SIAH2: variants seen among roughly 807,000 people sequenced by gnomAD.
SIAH2 encodes the protein E3 ubiquitin-protein ligase SIAH2.
In SIAH2, 4 loss-of-function variants were observed where a neutral mutation model predicts 20.4. That is an observed-to-expected ratio of 0.20 (90% CI 0.10 to 0.45). SIAH2 has a LOEUF of 0.45. Ranked by LOEUF, SIAH2 falls within the 20% of genes least tolerant of loss-of-function variation. The pLI, the probability that SIAH2 is intolerant of heterozygous loss-of-function variation, is 0.99. For missense variants in SIAH2, 259 were observed against 440.3 expected (o/e 0.59, Z 3.69); for synonymous variants, 171 against 192.5 (o/e 0.89, Z 0.93).
intron 1 of SIAH2, among the ~76,000 whole-genome samples, chr3:150,747,194 G>T (rs889736114): frequency 3.3e-5 from 5 of 152,218 alleles, no homozygotes; most frequent in African/African-American, 4.8e-5. Flanking sequence ...TTGGAAGCAG[G>T]TTCTAATATT....
chr3:150,752,099 C>T (rs1214701485), intron 1 of SIAH2, among the ~76,000 whole-genome samples: 1 of 152,168 alleles, frequency 6.6e-6, no homozygotes, highest in Non-Finnish European at 1.5e-5. Context: ...TTCAAGCAAA[C>T]AAAACACTTA....
At chr3:150,760,719 G>A (rs1714589432) in intron 1 of SIAH2, among the ~76,000 whole-genome samples, 1 of 152,212 alleles carries the variant, frequency 6.6e-6, no homozygotes, top group Admixed American at 6.5e-5. Flanking sequence ...GCGCGTTTAA[G>A]GGAAAGTAAA....
At chr3:150,761,255 T>C (rs1714604222) in intron 1 of SIAH2, among the ~76,000 whole-genome samples, 1 of 152,262 alleles carries the variant, frequency 6.6e-6, no homozygotes, top group African/African-American at 2.4e-5. Context: ...TCTCCACTTC[T>C]AATTTCAGAA....
chr3:150,750,554 C>T (rs75066446), intron 1 of SIAH2, among the ~76,000 whole-genome samples: 1 of 152,102 alleles, frequency 6.6e-6, no homozygotes, highest in South Asian at 2.1e-4. Context: ...ATTTTATTTA[C>T]ATAACTATTT....
rs1276737798 is a variant in SIAH2, at chr3:150,741,639, A to T, written c.*502T>A. 1 of 153,024 alleles carries T rather than the reference A, an allele frequency of 6.5e-6. No homozygotes were observed. Among genetic ancestry groups the T allele is most frequent in the Non-Finnish European group, 1.5e-5 (1 of 68,474 alleles). 9.5% of individuals were successfully genotyped at this position (153,024 alleles called of 1,614,324 possible). On this transcript the variant is annotated 3_prime_UTR_variant, in exon 2 of 2. Coordinates refer to ENST00000312960, the MANE Select transcript of SIAH2 (RefSeq NM_005067.7). ...AAATTGGCAGGCTCCCTAAATCTGC[A>T]ATTTTAAGATAAGCACTCCGGGTGA...
chr3:150,746,216 A>G (rs1714208863), intron 1 of SIAH2, among the ~76,000 whole-genome samples: 1 of 152,116 alleles, frequency 6.6e-6, no homozygotes, highest in Admixed American at 6.5e-5. Flanking sequence ...CAATATGGTG[A>G]AACCCTGTCA....
At chr3:150,746,121 G>A (rs57478574) in intron 1 of SIAH2, among the ~76,000 whole-genome samples, 2,166 of 152,112 alleles carry the variant, frequency 0.014, 36 homozygotes, top group African/African-American at 0.048. Context: ...GAGGCCAGGC[G>A]CGCTGCTCAC....
At chr3:150,757,613 G>A (rs757826399) in intron 1 of SIAH2, among the ~76,000 whole-genome samples, 2 of 151,940 alleles carry the variant, frequency 1.3e-5, no homozygotes, top group Non-Finnish European at 2.9e-5. Context: ...GTGGTGGTTC[G>A]CTTTGTCTGC....
At chr3:150,753,750 T>C (rs769340312) in intron 1 of SIAH2, among the ~76,000 whole-genome samples, 39 of 152,012 alleles carry the variant, frequency 2.6e-4, no homozygotes, top group Non-Finnish European at 3.8e-4. Context: ...GCTGTGATTA[T>C]GCCACTGCAC....
chr3:150,746,989 G>A (rs1714228679), intron 1 of SIAH2, among the ~76,000 whole-genome samples: 1 of 152,244 alleles, frequency 6.6e-6, no homozygotes, highest in Non-Finnish European at 1.5e-5. Context: ...AGGGCCCTGT[G>A]GTCATTTGTG....
intron 1 of SIAH2, among the ~76,000 whole-genome samples, chr3:150,751,990 T>C (rs1401315701): frequency 2.0e-5 from 3 of 152,228 alleles, no homozygotes; most frequent in African/African-American, 7.2e-5. Flanking sequence ...AGGTTGACTT[T>C]TGACCATGTA....
intron 1 of SIAH2, among the ~76,000 whole-genome samples, chr3:150,747,236 G>A (rs571969196): frequency 3.3e-5 from 5 of 152,208 alleles, no homozygotes; most frequent in Non-Finnish European, 5.9e-5. Context: ...GAGAAAAACA[G>A]CCCTGAAAGT....
At chr3:150,745,275 A>ACACACACACACC (rs1553759385) in intron 1 of SIAH2, among the ~76,000 whole-genome samples, 6 of 148,416 alleles carry the variant, frequency 4.0e-5, no homozygotes, top group African/African-American at 1.0e-4. Context: ...ACACACACAC[A>ACACACACACACC]CACCCCACAT....
Position 150,762,463 on chromosome 3 carries a change from C to T in SIAH2, c.387G>A (p.Lys129=), listed in dbSNP as rs1325165052. Residue 129 remains lysine (K), a synonymous_variant, in exon 1 of 2, where the codon AAG becomes AAA. Transcript: ENST00000312960. This position sits in a 1 kb window ranked among gnomAD's most constrained non-coding sequence, Gnocchi z 6.6. ...AGGGAAACAGGACTGCCGAGGCCAC[C>T]TTCTCCATAGCCAGGTTCCTGATGC... is the stretch of plus-strand genomic sequence containing the variant. The part of the protein sequence containing the change: ...TPSIRNLAME[K]VASAVLFPCK... 3 of 1,613,316 alleles carry T rather than the reference C, an allele frequency of 1.9e-6. No homozygotes were observed. The highest frequency in any genetic ancestry group is 1.3e-5 in the African/African-American group (1 of 74,912).
rs377407314 is a variant in SIAH2, at chr3:150,742,661, G to A, written c.455C>T (p.Thr152Met). ...TTGCSLTLHHTEKPEHEDICE... is the reference protein window; with the variant it reads ...TTGCSLTLHHMEKPEHEDICE... ...TATGTCTTCATGTTCTGGTTTCTCC[G>A]TATGGTGCAGGGTCAGGGAACAGCC... The change falls in exon 2 of 2, where the codon ACG becomes ATG. Residue 152 changes from threonine to methionine, a missense_variant. Transcript: ENST00000312960. The surrounding 1 kb of genome is among the most constrained non-coding windows in gnomAD (Gnocchi z 4.8). 8.9e-6 allele frequency: 14 copies of A among 1,573,126 alleles called. No individual in the cohort carries two copies. Among genetic ancestry groups the A allele is most frequent in the African/African-American group, 5.4e-5 (4 of 74,140 alleles).
rs370468884 is a variant in SIAH2, at chr3:150,762,346, C to T, written c.417+87G>A. 4.0e-5 allele frequency: 60 copies of T among 1,504,252 alleles called. 2 individuals are homozygous for T. The highest frequency in any genetic ancestry group is 2.0e-4 in the East Asian group (8 of 40,316). 93.2% of individuals were successfully genotyped at this position (1,504,252 alleles called of 1,614,324 possible). Reference sequence around the variant, plus strand: ...TTTTTTTTTAAATGAGAGATGCCGCCCGCCTCTCCGGGCCTGCGAGTGGGC... The same window carrying T: ...TTTTTTTTTAAATGAGAGATGCCGCTCGCCTCTCCGGGCCTGCGAGTGGGC... On this transcript the variant is annotated intron_variant, in intron 1 of 1. Transcript: ENST00000312960. The surrounding 1 kb of genome is among the most constrained non-coding windows in gnomAD (Gnocchi z 6.6).
rs190267941 is a variant in SIAH2 at position 150,761,412 on chromosome 3, A to G, written c.417+1021T>C. Among the ~76,000 whole-genome samples the G allele has an allele frequency of 3.3e-5, 5 of 152,368 alleles. No individual in the cohort carries two copies. In the East Asian group the frequency reaches 9.6e-4, roughly 29 times the overall value. The stretch of plus-strand genomic sequence containing the variant: ...ATACTATGCAGCCATTTAAAATACA[A>G]TGAAGTCGACTAGGTTTCAGGCATA... On this transcript the variant is annotated intron_variant, in intron 1 of 1. Coordinates refer to ENST00000312960, the MANE Select transcript of SIAH2 (RefSeq NM_005067.7).
Position 150,762,411 on chromosome 3 carries a change from C to T in SIAH2, c.417+22G>A, listed in dbSNP as rs755909848. ...GTCCCTGAGGTCACCGGCGGAGGTA[C>T]GTGGGCTGTCCCTGGGCTTACCTTA... is the stretch of plus-strand genomic sequence containing the variant. On this transcript the variant is annotated intron_variant, in intron 1 of 1. Transcript: ENST00000312960. The surrounding 1 kb of genome is among the most constrained non-coding windows in gnomAD (Gnocchi z 6.6). 1.3e-6 allele frequency: 2 copies of T among 1,594,782 alleles called. No homozygotes were observed. Among genetic ancestry groups the T allele is most frequent in the Non-Finnish European group, 1.7e-6 (2 of 1,171,848 alleles).
At chr3:150,744,920 T>G (rs1171288658) in intron 1 of SIAH2, among the ~76,000 whole-genome samples, 1 of 152,174 alleles carries the variant, frequency 6.6e-6, no homozygotes, top group Non-Finnish European at 1.5e-5. Context: ...ATTATTTGAT[T>G]TGCCTTACAA....
Sources: gnomAD v4.1 joint callset for allele counts (sites outside exome capture counted in the v4.1 genomes callset) on GRCh38, gnomAD v4.1.1 for gene constraint, Gnocchi (gnomAD v3.1) non-coding constraint, MANE v1.5 for transcripts, NCBI Gene and HGNC (gene_info 2026-07-23, HGNC 2026-07-21) for gene names.